Variants in MACROD2 observed in about 807,000 individuals in gnomAD.
MACROD2 encodes the protein mono-ADP ribosylhydrolase 2.
A neutral mutation model predicts 70.4 loss-of-function variants in MACROD2; 36 were observed. The ratio of observed to expected loss-of-function variants is 0.51; its 90% CI spans 0.39 to 0.68. MACROD2 has a LOEUF of 0.68. Among genes scored for constraint, MACROD2 ranks in the 30% least tolerant of loss-of-function variants. The probability of loss-of-function intolerance (pLI) is 0.00; values close to 1 mark genes in which losing one functional copy is unlikely to be tolerated. For synonymous variants in MACROD2, 172 were observed against 178.8 expected (o/e 0.96, Z 0.30); for missense variants, 496 against 538.4 (o/e 0.92, Z 0.78).
chr20:14,156,439 G>A (rs776264304), intron 3 of MACROD2, among the ~76,000 whole-genome samples: 4 of 152,170 alleles, frequency 2.6e-5, no homozygotes, highest in Non-Finnish European at 5.9e-5. Flanking sequence ...CTCCAGGCTA[G>A]TAGCTTAATA....
intron 8 of MACROD2, among the ~76,000 whole-genome samples, chr20:15,835,941 G>A (rs1046128413): frequency 6.6e-6 from 1 of 152,170 alleles, no homozygotes; most frequent in African/African-American, 2.4e-5. Flanking sequence ...TCAAATGCCA[G>A]TTTATCTCCC....
chr20:15,290,697 C>G (rs1174083583), intron 6 of MACROD2, among the ~76,000 whole-genome samples: 2 of 152,184 alleles, frequency 1.3e-5, no homozygotes, highest in African/African-American at 4.8e-5. Context: ...AGATACAAGC[C>G]AGCATTACAA....
chr20:14,547,171 T>G, intron 4 of MACROD2: 1 of 284,878 alleles, frequency 3.5e-6, no homozygotes, highest in Non-Finnish European at 6.2e-6. Context: ...CGAAGTCAGA[T>G]GAGAGAGCCT....
rs117832361 is a variant in MACROD2 at position 15,543,691 on chromosome 20, G to A, written c.645+43844G>A. On this transcript the variant is annotated intron_variant, in intron 8 of 17. Coordinates refer to ENST00000684519, the MANE Select transcript of MACROD2 (RefSeq NM_001351661.2). ...CTTGCAAATTATGTGGCTAAACACA[G>A]TAGGCACTTTTTGGCATGTGAATCT... Among the ~76,000 whole-genome samples, 1,088 of 152,270 alleles carry A rather than the reference G, an allele frequency of 7.1e-3. 6 individuals carry two copies. The highest frequency in any genetic ancestry group is 0.011 in the Non-Finnish European group (779 of 68,020).
chr20:15,455,290 T>C (rs1457159151), intron 7 of MACROD2, among the ~76,000 whole-genome samples: 1 of 152,118 alleles, frequency 6.6e-6, no homozygotes, highest in Non-Finnish European at 1.5e-5. Context: ...AGATAATGAG[T>C]GTGCATATTG....
At chr20:15,278,043 A>G (rs2077408788) in intron 6 of MACROD2, among the ~76,000 whole-genome samples, 1 of 152,250 alleles carries the variant, frequency 6.6e-6, no homozygotes, top group Non-Finnish European at 1.5e-5. Flanking sequence ...ACAAATGTAT[A>G]TGTATAGCAG....
chr20:15,478,988 T>A (rs2047058748), intron 7 of MACROD2, among the ~76,000 whole-genome samples: 1 of 152,208 alleles, frequency 6.6e-6, no homozygotes, highest in East Asian at 1.9e-4. Flanking sequence ...TTGCAGGCAG[T>A]GCTGATGTCA....
At chr20:14,219,146 TCTC>T (rs1386177970) in intron 3 of MACROD2, among the ~76,000 whole-genome samples, 1 of 152,192 alleles carries the variant, frequency 6.6e-6, no homozygotes, top group African/African-American at 2.4e-5. Context: ...CTTTTAGAAT[TCTC>T]CTCTTCCTCA....
At chr20:14,655,667 T>TA (rs1182837841) in intron 4 of MACROD2, among the ~76,000 whole-genome samples, 1 of 152,228 alleles carries the variant, frequency 6.6e-6, no homozygotes, top group East Asian at 1.9e-4. Context: ...CTTTTCTTAA[T>TA]GAAGCAGCAT....
At chr20:14,900,530 T>C (rs942701646) in intron 5 of MACROD2, among the ~76,000 whole-genome samples, 1 of 151,784 alleles carries the variant, frequency 6.6e-6, no homozygotes, top group African/African-American at 2.4e-5. Flanking sequence ...CTTGAGTGAG[T>C]TCAGTAGTTT....
At chr20:15,833,069 T>G (rs995670232) in intron 8 of MACROD2, among the ~76,000 whole-genome samples, 2 of 152,158 alleles carry the variant, frequency 1.3e-5, no homozygotes, top group Non-Finnish European at 2.9e-5. Context: ...GTCTCCTTTT[T>G]GCACAGCCCC....
chr20:15,247,817 C>T (rs902790292), intron 6 of MACROD2, among the ~76,000 whole-genome samples: 1 of 152,086 alleles, frequency 6.6e-6, no homozygotes, highest in African/African-American at 2.4e-5. Context: ...TGTGCCTCAG[C>T]CTCCCAAGTA....
At chr20:14,619,474 GGAAAGGAAGGAAGGA>G (rs1568702519) in intron 4 of MACROD2, among the ~76,000 whole-genome samples, 12 of 72,438 alleles carry the variant, frequency 1.7e-4, no homozygotes, top group South Asian at 1.3e-3. Context: ...GAAGGAAGGA[GGAAAGGAAGGAAGGA>G]GGGAGGGGAG....
chr20:14,065,611 C>T (rs1369015784), intron 2 of MACROD2, among the ~76,000 whole-genome samples: 2 of 152,170 alleles, frequency 1.3e-5, no homozygotes, highest in African/African-American at 4.8e-5. Flanking sequence ...GGCACTTTCT[C>T]ACATGCTTTA....
intron 7 of MACROD2, among the ~76,000 whole-genome samples, chr20:15,476,559 A>T (rs2047024245): frequency 7.5e-6 from 1 of 133,364 alleles, no homozygotes; most frequent in African/African-American, 3.5e-5. Context: ...TTAAAACTAT[A>T]TTGTTGTTTT....
At chr20:14,645,385 A>T (rs1985330942) in intron 4 of MACROD2, among the ~76,000 whole-genome samples, 2 of 151,982 alleles carry the variant, frequency 1.3e-5, no homozygotes, top group Admixed American at 1.3e-4. Flanking sequence ...TATATTGTAA[A>T]CATTTTCTTC....
At chr20:15,839,762 G>A (rs1013989366) in intron 8 of MACROD2, among the ~76,000 whole-genome samples, 1 of 152,084 alleles carries the variant, frequency 6.6e-6, no homozygotes, top group African/African-American at 2.4e-5. Context: ...ATGAATGTGT[G>A]TAGTTCATAT....
intron 5 of MACROD2, among the ~76,000 whole-genome samples, chr20:14,955,278 A>G (rs1210023101): frequency 7.4e-6 from 1 of 135,994 alleles, no homozygotes; most frequent in Non-Finnish European, 1.5e-5. Flanking sequence ...TTTTTATTAT[A>G]TATAGTTTAT....
At chr20:15,216,489 G>T (rs955263544) in intron 5 of MACROD2, among the ~76,000 whole-genome samples, 3 of 152,102 alleles carry the variant, frequency 2.0e-5, no homozygotes, top group Admixed American at 2.0e-4. Context: ...TCTCACAGTA[G>T]ACGTGAATGA....
Sources: allele counts gnomAD v4.1 joint callset (sites outside exome capture counted in the v4.1 genomes callset), GRCh38; gene constraint gnomAD v4.1.1; transcripts MANE v1.5; gene names NCBI Gene and HGNC (gene_info 2026-07-23, HGNC 2026-07-21).